KCNQ5: variants seen among roughly 807,000 people sequenced by gnomAD.
KCNQ5 encodes the protein potassium voltage-gated channel subfamily KQT member 5.
KCNQ5 carries 30 observed loss-of-function variants against 98.2 expected under a neutral mutation model. The ratio of observed to expected loss-of-function variants is 0.31; its 90% CI spans 0.23 to 0.41. KCNQ5 has a LOEUF of 0.41. Ranked by LOEUF, KCNQ5 falls within the 10% of genes least tolerant of loss-of-function variation. The pLI, the probability that KCNQ5 is intolerant of heterozygous loss-of-function variation, is 1.00. For synonymous variants in KCNQ5, 458 were observed against 449.4 expected, an observed-to-expected ratio of 1.02 and a Z score of -0.24; for missense variants, 835 against 1,182.5, an observed-to-expected ratio of 0.71 and a Z score of 4.31.
chr6:72,942,232 A>G (rs1766345346), intron 1 of KCNQ5, among the ~76,000 whole-genome samples: 1 of 152,224 alleles, frequency 6.6e-6, no homozygotes, highest in Non-Finnish European at 1.5e-5. Flanking sequence ...TTATTTCTAA[A>G]TAAGAGTTTA....
At chr6:72,726,854 G>A (rs1178063393) in intron 1 of KCNQ5, among the ~76,000 whole-genome samples, 2 of 152,054 alleles carry the variant, frequency 1.3e-5, no homozygotes, top group Admixed American at 6.6e-5. Context: ...TTTTCAAATT[G>A]TTTTAGAGAT....
chr6:72,683,958 G>A (rs940012478), intron 1 of KCNQ5, among the ~76,000 whole-genome samples: 6 of 152,064 alleles, frequency 3.9e-5, no homozygotes, highest in African/African-American at 1.4e-4. Flanking sequence ...AAAGCCATCG[G>A]TATCTTCATT....
intron 1 of KCNQ5, chr6:72,986,578 C>A: frequency 1.6e-6 from 1 of 624,070 alleles, no homozygotes; most frequent in South Asian, 2.2e-5. Flanking sequence ...AGAAGGGTGT[C>A]AGCACCCTTT....
At chr6:73,026,122 C>A (rs986439465) in intron 2 of KCNQ5, among the ~76,000 whole-genome samples, 1 of 152,164 alleles carries the variant, frequency 6.6e-6, no homozygotes, top group Non-Finnish European at 1.5e-5. Context: ...TCAGAAGGAT[C>A]TTCTGTCTCT....
chr6:72,840,422 C>T (rs902773618), intron 1 of KCNQ5, among the ~76,000 whole-genome samples: 1 of 152,144 alleles, frequency 6.6e-6, no homozygotes, highest in African/African-American at 2.4e-5. Context: ...ATACACAAAA[C>T]TTGGAGTCCT....
intron 5 of KCNQ5, 45 bp downstream of exon 5, chr6:73,077,932 GTT>G (rs769127983): frequency 3.0e-5 from 44 of 1,458,408 alleles, no homozygotes; most frequent in Non-Finnish European, 4.1e-5. Context: ...GTTGTGAATT[GTT>G]TTTTTTTAAT....
chr6:72,663,143 T>G (rs7769363), intron 1 of KCNQ5, among the ~76,000 whole-genome samples: 26,371 of 151,852 alleles, frequency 0.17, 2,417 homozygotes, highest in Middle Eastern at 0.28. Context: ...GTCAGGGGGT[T>G]GGGGGCTAGG....
intron 1 of KCNQ5, among the ~76,000 whole-genome samples, chr6:72,804,096 T>A (rs749453703): frequency 9.9e-5 from 15 of 152,216 alleles, no homozygotes; most frequent in Admixed American, 2.6e-4. Flanking sequence ...GAGTACATAG[T>A]TGGTTGCTAC....
At chr6:72,739,860 ATATT>A (rs1385473298) in intron 1 of KCNQ5, among the ~76,000 whole-genome samples, 2 of 152,218 alleles carry the variant, frequency 1.3e-5, no homozygotes, top group African/African-American at 4.8e-5. Context: ...TGTTTTAAGA[ATATT>A]TATAGCACTG....
At chr6:73,149,743 G>A (rs1337195384) in intron 10 of KCNQ5, among the ~76,000 whole-genome samples, 2 of 151,066 alleles carry the variant, frequency 1.3e-5, no homozygotes, top group Admixed American at 1.3e-4. Context: ...GCTGCAGTGA[G>A]CCGAGATTGG....
At chr6:73,013,806 G>C (rs376069606) in intron 2 of KCNQ5, among the ~76,000 whole-genome samples, 1 of 152,050 alleles carries the variant, frequency 6.6e-6, no homozygotes, top group Non-Finnish European at 1.5e-5. Flanking sequence ...CATGTCTAAG[G>C]CTTCTTTTTG....
At chr6:72,659,473 A>G (rs985942394) in intron 1 of KCNQ5, among the ~76,000 whole-genome samples, 2 of 152,188 alleles carry the variant, frequency 1.3e-5, no homozygotes, top group Non-Finnish European at 2.9e-5. Context: ...TATAAATAAT[A>G]CAAATTTATT....
chr6:73,033,969 T>A (rs1771276127), intron 2 of KCNQ5, among the ~76,000 whole-genome samples: 1 of 152,236 alleles, frequency 6.6e-6, no homozygotes, highest in Non-Finnish European at 1.5e-5. Flanking sequence ...TGATGTTCTA[T>A]AAGTTATAGT....
intron 10 of KCNQ5, chr6:73,136,732 C>CT (rs1329300531): frequency 6.6e-6 from 1 of 152,080 alleles, no homozygotes; most frequent in African/African-American, 2.4e-5. Context: ...ACTGGAAGTT[C>CT]TTTTTTTACA....
chr6:72,638,739 A>G (rs983897927), intron 1 of KCNQ5, among the ~76,000 whole-genome samples: 2 of 152,166 alleles, frequency 1.3e-5, no homozygotes, highest in East Asian at 3.8e-4. Flanking sequence ...AGCTATTCAC[A>G]ATAAATCTGT....
At chr6:72,841,614 T>G (rs1776795275) in intron 1 of KCNQ5, among the ~76,000 whole-genome samples, 1 of 152,224 alleles carries the variant, frequency 6.6e-6, no homozygotes, top group Non-Finnish European at 1.5e-5. Flanking sequence ...TCTTACATGC[T>G]CTTTCTATTC....
Position 72,663,713 on chromosome 6 carries a change from C to T in KCNQ5, c.398+41126C>T, listed in dbSNP as rs148091413. Among the ~76,000 whole-genome samples, 336 of 152,190 alleles carry T rather than the reference C, an allele frequency of 2.2e-3. 5 individuals carry two copies. The highest frequency in any genetic ancestry group is 0.019 in the Admixed American group (292 of 15,294). On this transcript the variant is annotated intron_variant, in intron 1 of 13. Transcript: ENST00000370398. The stretch of plus-strand genomic sequence containing the variant: ...AGTGCTTTCCCATTAAAGTTTGGAG[C>T]TTTTAAAATGCATTCTTCAATTCCA...
At chr6:72,888,754 T>C (rs1778945315) in intron 1 of KCNQ5, among the ~76,000 whole-genome samples, 1 of 152,160 alleles carries the variant, frequency 6.6e-6, no homozygotes, top group Admixed American at 6.5e-5. Context: ...CTTGGCCAAA[T>C]ATAGGGGTGT....
Position 73,194,491 on chromosome 6 carries a change from A to G in KCNQ5, c.1876A>G (p.Ile626Val), listed in dbSNP as rs1306739564. 2 of 1,614,062 alleles carry G rather than the reference A, an allele frequency of 1.2e-6. No homozygotes were observed. Among genetic ancestry groups the G allele is most frequent in the Admixed American group, 3.3e-5 (2 of 60,008 alleles). ...IESKLDCLLD[I>V]YQQVLRKGSA... ...ATCCAAGCTGGACTGCCTACTAGACATCTATCAACAGGTCCTTCGGAAAGG... is the reference window on the plus strand; with the variant it reads ...ATCCAAGCTGGACTGCCTACTAGACGTCTATCAACAGGTCCTTCGGAAAGG... Residue 626 changes from isoleucine to valine, a missense_variant, in exon 14 of 14, where the codon ATC becomes GTC. Transcript: ENST00000370398.
Sources: allele counts gnomAD v4.1 joint callset (sites outside exome capture counted in the v4.1 genomes callset), GRCh38; gene constraint gnomAD v4.1.1; transcripts MANE v1.5; gene names NCBI Gene and HGNC (gene_info 2026-07-23, HGNC 2026-07-21).